Variants in MAP3K7 observed in about 807,000 individuals in gnomAD.
MAP3K7 encodes mitogen-activated protein kinase kinase kinase 7.
In MAP3K7, 21 loss-of-function variants were observed where a neutral mutation model predicts 84.8. The observed-to-expected ratio is 0.25, with a 90% CI of 0.18 to 0.36. The LOEUF (loss-of-function observed/expected upper bound fraction) is 0.36. Among genes scored for constraint, MAP3K7 ranks in the 10% least tolerant of loss-of-function variants. The pLI is 1.00. For synonymous variants in MAP3K7, 241 were observed against 247.7 expected, an observed-to-expected ratio of 0.97 and a Z score of 0.25; for missense variants, 503 against 747.7, an observed-to-expected ratio of 0.67 and a Z score of 3.82.
chr6:90,550,335 T>C (rs36061734), intron 9 of MAP3K7, 133 bp downstream of exon 9: 22,188 of 573,752 alleles, frequency 0.039, 626 homozygotes, highest in Non-Finnish European at 0.053. Flanking sequence ...TAAACTCAAA[T>C]TGCAGTCAAT....
intron 9 of MAP3K7, among the ~76,000 whole-genome samples, chr6:90,548,480 T>C (rs922940607): frequency 1.3e-5 from 2 of 151,932 alleles, no homozygotes; most frequent in Non-Finnish European, 1.5e-5. Flanking sequence ...AAAGGAAGAG[T>C]GAGTTTGAAG....
intron 10 of MAP3K7, 34 bp downstream of exon 10, chr6:90,548,013 G>A (rs1776058662): frequency 6.4e-7 from 1 of 1,572,156 alleles, no homozygotes; most frequent in Admixed American, 1.8e-5. Context: ...CTACTGGTAA[G>A]GTTACCAGTT....
intron 7 of MAP3K7, among the ~76,000 whole-genome samples, chr6:90,552,777 A>G (rs748091902): frequency 6.6e-6 from 1 of 152,242 alleles, no homozygotes; most frequent in Non-Finnish European, 1.5e-5. Context: ...AAACAACATT[A>G]CCAGAACTAT....
Position 90,536,291 on chromosome 6 carries a change from T to G in MAP3K7, c.1356+46A>C, listed in dbSNP as rs1487038835. 5 of 1,461,348 alleles carry G rather than the reference T, an allele frequency of 3.4e-6. No homozygotes were observed. In the South Asian group the frequency reaches 5.8e-5, roughly 17 times the overall value. 90.5% of individuals were successfully genotyped at this position (1,461,348 alleles called of 1,614,324 possible). A position where few individuals can be genotyped will look rare whatever the true frequency, so the allele number is the denominator to read the frequency against. On this transcript the variant is annotated intron_variant, in intron 13 of 16. Coordinates refer to ENST00000369329, the MANE Select transcript of MAP3K7 (RefSeq NM_145331.3). ...AGTAGAATACAGTTAATTCTTGTTT[T>G]CTGCCTAGTATTCTTCAAAGATAGA...
At chr6:90,519,164 G>T in intron 15 of MAP3K7, 94 bp downstream of exon 15, 1 of 751,808 alleles carries the variant, frequency 1.3e-6, no homozygotes, top group Non-Finnish European at 2.3e-6. Context: ...ATAAATTAAG[G>T]AGTGACTATA....
In MAP3K7 at chr6:90,550,531, C is replaced by T. The variant is rs1409320544; in HGVS notation, c.886G>A (p.Glu296Lys). ...TACTGACAAGGATACTGTAATGGCT[C>T]ATCTGCTCCTGGAAAGTACTATATA... ...HLMRYFPGAD[E>K]PLQYPCQYSD... Residue 296 changes from glutamate (E) to lysine (K), a missense_variant, in exon 9 of 17, where the codon GAG becomes AAG. Physicochemically the swap from Glu to Lys is moderately conservative, Grantham distance 56 (BLOSUM62 1). Coordinates refer to ENST00000369329, the MANE Select transcript of MAP3K7 (RefSeq NM_145331.3). 2 of 1,609,748 alleles carry T rather than the reference C, an allele frequency of 1.2e-6. No homozygotes were observed. Among genetic ancestry groups the T allele is most frequent in the Non-Finnish European group, 1.7e-6 (2 of 1,177,028 alleles).
At chr6:90,542,307 A>T in intron 12 of MAP3K7, 1 of 983,582 alleles carries the variant, frequency 1.0e-6, no homozygotes, top group Non-Finnish European at 1.2e-6. Flanking sequence ...TACAGCTTGT[A>T]TTCTTCTATT....
At chr6:90,563,010 T>C (rs1295306371) in intron 3 of MAP3K7, among the ~76,000 whole-genome samples, 22 of 151,864 alleles carry the variant, frequency 1.4e-4, no homozygotes, top group Admixed American at 1.4e-3. Flanking sequence ...GCAGCTGAGG[T>C]CCTGACTGTT....
chr6:90,543,586 G>A (rs1305773842), intron 12 of MAP3K7, among the ~76,000 whole-genome samples: 1 of 151,988 alleles, frequency 6.6e-6, no homozygotes, highest in Non-Finnish European at 1.5e-5. Flanking sequence ...GTTTAGTAGA[G>A]GAGAAAATAA....
intron 13 of MAP3K7, among the ~76,000 whole-genome samples, chr6:90,532,348 G>A (rs1230113723): frequency 6.6e-6 from 1 of 152,152 alleles, no homozygotes; most frequent in Admixed American, 6.5e-5. Context: ...GCACACTGTG[G>A]AGAGGCTGGC....
chr6:90,583,034 C>A (rs1777329591), intron 1 of MAP3K7, among the ~76,000 whole-genome samples: 1 of 152,012 alleles, frequency 6.6e-6, no homozygotes, highest in African/African-American at 2.4e-5. Flanking sequence ...AGGCCTGTGC[C>A]ACCACACCCA....
chr6:90,538,845 A>T (rs1775761334), intron 12 of MAP3K7, among the ~76,000 whole-genome samples: 1 of 151,828 alleles, frequency 6.6e-6, no homozygotes, highest in Non-Finnish European at 1.5e-5. Flanking sequence ...AATTTTTCTT[A>T]TCAGTTAAGC....
In MAP3K7 at chr6:90,536,364, C is replaced by T. The variant is rs1221500929; in HGVS notation, c.1329G>A (p.Leu443=). Residue 443 remains leucine (L), a synonymous_variant, in exon 13 of 17, where the codon TTG becomes TTA. Transcript: ENST00000369329. Reference sequence around the variant, plus strand: ...GACCAGGTTCTGTTCCAGTTACAGTCAAGTCTTGGATGGATCTACGTCTTG... The same window carrying T: ...GACCAGGTTCTGTTCCAGTTACAGTTAAGTCTTGGATGGATCTACGTCTTG... The part of the protein sequence containing the change: ...GQPRRRSIQD[L]TVTGTEPGQV... The T allele has an allele frequency of 6.2e-7, 1 of 1,612,116 alleles. No individual in the cohort carries two copies. The highest frequency in any genetic ancestry group is 8.5e-7 in the Non-Finnish European group (1 of 1,178,772).
intron 12 of MAP3K7, among the ~76,000 whole-genome samples, chr6:90,541,441 A>G (rs1333279111): frequency 6.6e-6 from 1 of 151,856 alleles, no homozygotes; most frequent in African/African-American, 2.4e-5. Flanking sequence ...AATGTCACAC[A>G]CTCTACTGGT....
intron 5 of MAP3K7, among the ~76,000 whole-genome samples, chr6:90,557,507 C>T (rs1360134226): frequency 6.6e-6 from 1 of 152,154 alleles, no homozygotes; most frequent in Non-Finnish European, 1.5e-5. Flanking sequence ...CAAAAAGACT[C>T]TCATAATCAT....
rs1378636297 is a variant in MAP3K7 at position 90,519,247 on chromosome 6, T to C, written c.1524+11A>G. On this transcript the variant is annotated intron_variant, in intron 15 of 16. Transcript: ENST00000369329. ...AAAAAGTCAACTTTCAATAAGAAAG[T>C]ACTCCTTTACCTGTAGTTGGTGATC... is the stretch of plus-strand genomic sequence containing the variant. 2 of 1,574,420 alleles carry C rather than the reference T, an allele frequency of 1.3e-6. No individual in the cohort carries two copies. Among genetic ancestry groups the C allele is most frequent in the African/African-American group, 1.4e-5 (1 of 72,928 alleles).
At chr6:90,584,529 C>A (rs762496659) in intron 1 of MAP3K7, among the ~76,000 whole-genome samples, 2 of 152,050 alleles carry the variant, frequency 1.3e-5, no homozygotes, top group Admixed American at 1.3e-4. Flanking sequence ...AAGATTGAAA[C>A]ATTATCTAAA....
chr6:90,518,791 T>C (rs1363047392), intron 15 of MAP3K7, among the ~76,000 whole-genome samples: 2 of 151,846 alleles, frequency 1.3e-5, no homozygotes, highest in Non-Finnish European at 2.9e-5. Flanking sequence ...AGAATCATGA[T>C]TGTTGGAGTT....
rs1182434690 is a variant in MAP3K7 at position 90,515,245 on chromosome 6, A to G, written c.*1256T>C. On this transcript the variant is annotated 3_prime_UTR_variant, in exon 17 of 17. Coordinates refer to ENST00000369329, the MANE Select transcript of MAP3K7 (RefSeq NM_145331.3). ...TATTTAAAAGACATCTTGTACTGGTATCAAAATGTGACTTATTTTAACACC... is the reference window on the plus strand; with the variant it reads ...TATTTAAAAGACATCTTGTACTGGTGTCAAAATGTGACTTATTTTAACACC... 2 of 151,984 alleles carry G rather than the reference A, an allele frequency of 1.3e-5. No individual in the cohort carries two copies. The highest frequency in any genetic ancestry group is 2.9e-5 in the Non-Finnish European group (2 of 67,900). 9.4% of individuals were successfully genotyped at this position (151,984 alleles called of 1,614,324 possible). A position where few individuals can be genotyped will look rare whatever the true frequency, so the allele number is the denominator to read the frequency against.
Sources: allele counts gnomAD v4.1 joint callset (sites outside exome capture counted in the v4.1 genomes callset), GRCh38; gene constraint gnomAD v4.1.1; transcripts MANE v1.5; gene names NCBI Gene and HGNC (gene_info 2026-07-23, HGNC 2026-07-21).